Variants in APOL3 observed in about 807,000 individuals in gnomAD.
APOL3 encodes TNF-inducible protein CG12-1.
In APOL3, 14 loss-of-function variants were observed where a neutral mutation model predicts 11.6. The observed-to-expected ratio is 1.21, with a 90% CI of 0.80 to 1.89. The LOEUF (loss-of-function observed/expected upper bound fraction) is 1.89, where lower values mean the gene tolerates loss of function less well. Ranked by LOEUF, APOL3 falls within the 40% of genes most tolerant of loss-of-function variation. The pLI, the probability that APOL3 is intolerant of heterozygous loss-of-function variation, is 0.00. For synonymous variants in APOL3, 192 were observed against 190.6 expected (o/e 1.01, Z -0.06); for missense variants, 483 against 492.1 (o/e 0.98, Z 0.17).
chr22:36,163,833 GTC>G (rs1018176832), upstream of APOL3, among the ~76,000 whole-genome samples: 1 of 152,208 alleles, frequency 6.6e-6, no homozygotes, highest in African/African-American at 2.4e-5. Context: ...AACTGATGAT[GTC>G]TCCACAGACA....
chr22:36,158,996 TGTGA>T (rs1023811898), intron 1 of APOL3, among the ~76,000 whole-genome samples: 5 of 151,918 alleles, frequency 3.3e-5, no homozygotes, highest in African/African-American at 1.2e-4. Flanking sequence ...TGTGTGAATT[TGTGA>T]GTGTGTGTGT....
chr22:36,149,339 C>T (rs1368697908), intron 1 of APOL3, 197 bp from the exon 2 acceptor site: 2 of 1,306,364 alleles, frequency 1.5e-6, no homozygotes, highest in South Asian at 1.2e-5. Context: ...TCCCTCTGCC[C>T]TCACTCTCAC....
chr22:36,160,919 AC>A, exon 1 of APOL3: 1 of 1,598,780 alleles, frequency 6.3e-7, no homozygotes, highest in East Asian at 2.3e-5. Context: ...CCTTGGTCCC[AC>A]CCTCCTGCTG....
At chr22:36,160,938 A>T, upstream of APOL3, 1 of 1,574,074 alleles carries the variant, frequency 6.4e-7, no homozygotes, top group Non-Finnish European at 8.7e-7. Context: ...CTGATCCAAG[A>T]GCAGCCCCAG....
exon 3 of APOL3, chr22:36,141,834 C>T: frequency 6.2e-7 from 1 of 1,614,250 alleles, no homozygotes; most frequent in Middle Eastern, 1.6e-4. Context: ...GCCAGTGGAG[C>T]TGGACACCAC....
chr22:36,141,465 G>A (rs201390959), exon 3 of APOL3: 34 of 1,614,188 alleles, frequency 2.1e-5, no homozygotes, highest in Non-Finnish European at 2.7e-5. Flanking sequence ...ACTTCCAGCT[G>A]AGATTCGCCA....
intron 1 of APOL3, among the ~76,000 whole-genome samples, chr22:36,145,884 A>G (rs957114226): frequency 6.6e-6 from 1 of 151,960 alleles, no homozygotes; most frequent in African/African-American, 2.4e-5. Context: ...GTCTAGTTAA[A>G]AGAAAAAAAA....
chr22:36,151,892 C>A (rs889260734), intron 1 of APOL3, among the ~76,000 whole-genome samples: 1 of 152,114 alleles, frequency 6.6e-6, no homozygotes, highest in Non-Finnish European at 1.5e-5. Flanking sequence ...GGTCACAGAG[C>A]AAGACCCTGT....
chr22:36,162,787 C>G (rs923111496), upstream of APOL3, among the ~76,000 whole-genome samples: 1 of 152,210 alleles, frequency 6.6e-6, no homozygotes, highest in African/African-American at 2.4e-5. Flanking sequence ...TCCATCCCAG[C>G]GCAGAATTCC....
chr22:36,157,734 C>A (rs1023031057), intron 1 of APOL3, among the ~76,000 whole-genome samples: 1 of 152,178 alleles, frequency 6.6e-6, no homozygotes, highest in Non-Finnish European at 1.5e-5. Flanking sequence ...CTCAAATCAA[C>A]ATGAAAAGAC....
At chr22:36,148,212 G>A (rs2060287996) in intron 1 of APOL3, among the ~76,000 whole-genome samples, 1 of 152,234 alleles carries the variant, frequency 6.6e-6, no homozygotes, top group South Asian at 2.1e-4. Flanking sequence ...CTTTGACAAG[G>A]GGTATTTGAG....
intron 1 of APOL3, chr22:36,154,616 C>G (rs774518435): frequency 1.3e-5 from 6 of 470,966 alleles, no homozygotes; most frequent in Non-Finnish European, 2.6e-5. Context: ...CCCAGAAGGG[C>G]TGTGTTATTC....
chr22:36,157,948 G>T (rs575759509), intron 1 of APOL3, among the ~76,000 whole-genome samples: 189 of 152,282 alleles, frequency 1.2e-3, no homozygotes, highest in Non-Finnish European at 2.1e-3. Context: ...TACTTGGGAG[G>T]CTGAGACAGG....
chr22:36,148,042 A>C (rs1361169435), intron 1 of APOL3, among the ~76,000 whole-genome samples: 1 of 152,244 alleles, frequency 6.6e-6, no homozygotes, highest in African/African-American at 2.4e-5. Context: ...CAACAAATCA[A>C]ATAATGTCCT....
At chr22:36,153,138 C>A in intron 1 of APOL3, 2 of 171,266 alleles carry the variant, frequency 1.2e-5, no homozygotes, top group East Asian at 1.5e-4. Flanking sequence ...AAAATCTGAA[C>A]ATCAAAATTA....
chr22:36,140,856 C>T (rs955719447), exon 3 of APOL3: 6 of 227,678 alleles, frequency 2.6e-5, no homozygotes, highest in African/African-American at 1.4e-4. Flanking sequence ...ATTTTCAGCT[C>T]TTTCTTTTCC....
intron 1 of APOL3, among the ~76,000 whole-genome samples, chr22:36,155,446 C>T (rs994960230): frequency 1.3e-5 from 2 of 152,158 alleles, no homozygotes; most frequent in African/African-American, 4.8e-5. Flanking sequence ...TCTTAGGGAT[C>T]TTGCATCCAG....
intron 2 of APOL3, among the ~76,000 whole-genome samples, chr22:36,142,838 T>C (rs909512710): frequency 2.0e-5 from 3 of 152,190 alleles, no homozygotes; most frequent in East Asian, 3.9e-4. Context: ...TGACCTTCCA[T>C]GCCCATCCCG....
intron 1 of APOL3, chr22:36,154,368 G>C (rs1237184978): frequency 3.1e-6 from 1 of 322,444 alleles, no homozygotes; most frequent in African/African-American, 2.2e-5. Context: ...AAAGGCCTTG[G>C]GTTGATACTA....
Sources: gnomAD v4.1 joint callset for allele counts (sites outside exome capture counted in the v4.1 genomes callset) on GRCh38, gnomAD v4.1.1 for gene constraint, MANE v1.5 for transcripts, NCBI Gene and HGNC (gene_info 2026-07-23, HGNC 2026-07-21) for gene names.